Variants in MAGI1 observed in about 807,000 individuals in gnomAD.
The protein encoded by MAGI1 is membrane-associated guanylate kinase, WW and PDZ domain-containing protein 1.
MAGI1 carries 58 observed loss-of-function variants against 139.9 expected under a neutral mutation model. The observed-to-expected ratio is 0.41, with a 90% CI of 0.34 to 0.52. The LOEUF (loss-of-function observed/expected upper bound fraction) is 0.52. Among genes scored for constraint, MAGI1 ranks in the 20% least tolerant of loss-of-function variants. The pLI, the probability that MAGI1 is intolerant of heterozygous loss-of-function variation, is 0.12. For missense variants in MAGI1, 1,874 were observed against 1,901.6 expected (o/e 0.99, Z 0.27); for synonymous variants, 812 against 737.9 (o/e 1.10, Z -1.63).
intron 1 of MAGI1, among the ~76,000 whole-genome samples, chr3:65,915,245 T>C (rs2061845357): frequency 1.3e-5 from 2 of 152,214 alleles, no homozygotes; most frequent in African/African-American, 4.8e-5. Flanking sequence ...GCTAGGACTG[T>C]TCACATTTGA....
rs720160 is a variant in MAGI1 at position 66,005,508 on chromosome 3, T to A, written c.313+32488A>T. ...CAGCCTCATCCTCAGCTGTTCAAAA[T>A]CAATATTCACAGCCTCTTTGCCTCT... is the stretch of plus-strand genomic sequence containing the variant. On this transcript the variant is annotated intron_variant, in intron 1 of 22. Coordinates refer to ENST00000402939, the MANE Select transcript of MAGI1 (RefSeq NM_001033057.2). Among the ~76,000 whole-genome samples, 41 of 152,258 alleles carry A rather than the reference T, an allele frequency of 2.7e-4. No homozygotes were observed. The South Asian group carries it at 8.3e-3, about 31-fold the overall frequency.
At chr3:65,720,930 C>T (rs1010296793) in intron 1 of MAGI1, among the ~76,000 whole-genome samples, 5 of 151,688 alleles carry the variant, frequency 3.3e-5, no homozygotes, top group Non-Finnish European at 1.5e-5. Flanking sequence ...TTTGTAGAGA[C>T]GGGGTTTCAC....
chr3:65,625,738 C>T (rs1036068390), intron 1 of MAGI1, among the ~76,000 whole-genome samples: 1 of 152,038 alleles, frequency 6.6e-6, no homozygotes, highest in Admixed American at 6.6e-5. Flanking sequence ...TAAAAAAATC[C>T]ATGCAAACCA....
chr3:65,515,829 A>AT (rs2077845086), intron 2 of MAGI1, among the ~76,000 whole-genome samples: 1 of 152,136 alleles, frequency 6.6e-6, no homozygotes, highest in African/African-American at 2.4e-5. Context: ...AGGTATTGCT[A>AT]TTTTTTACAA....
At chr3:65,868,852 G>A (rs1208626610) in intron 1 of MAGI1, among the ~76,000 whole-genome samples, 1 of 151,880 alleles carries the variant, frequency 6.6e-6, no homozygotes, top group Admixed American at 6.6e-5. Flanking sequence ...TTGACTTCTC[G>A]ACAAAGTCCA....
At chr3:66,014,818 G>A (rs1482728833) in intron 1 of MAGI1, among the ~76,000 whole-genome samples, 1 of 152,102 alleles carries the variant, frequency 6.6e-6, no homozygotes, top group Non-Finnish European at 1.5e-5. Flanking sequence ...GACACTCTGG[G>A]TCCATGGTAC....
intron 1 of MAGI1, among the ~76,000 whole-genome samples, chr3:65,637,584 GAAAGAAA>G (rs2084710740): frequency 6.7e-6 from 1 of 149,698 alleles, no homozygotes; most frequent in Non-Finnish European, 1.5e-5. Context: ...AAGAAAGAAA[GAAAGAAA>G]GAAAGAAAGA....
intron 1 of MAGI1, among the ~76,000 whole-genome samples, chr3:65,658,817 G>C (rs2086030150): frequency 6.6e-6 from 1 of 152,164 alleles, no homozygotes; most frequent in East Asian, 1.9e-4. Context: ...AGTGAAATAA[G>C]TGCAAAGCAC....
chr3:65,660,456 G>A (rs1044504188), intron 1 of MAGI1, among the ~76,000 whole-genome samples: 1 of 152,234 alleles, frequency 6.6e-6, no homozygotes, highest in African/African-American at 2.4e-5. Context: ...AGGAAACTCA[G>A]ACAAGTTTAA....
chr3:65,982,804 T>C (rs1370018876), intron 1 of MAGI1, among the ~76,000 whole-genome samples: 5 of 152,196 alleles, frequency 3.3e-5, no homozygotes, highest in African/African-American at 9.6e-5. Context: ...TTGTGACTGA[T>C]GCATCCCAGG....
At chr3:65,715,036 TG>T (rs71633184) in intron 1 of MAGI1, among the ~76,000 whole-genome samples, 1 of 146,324 alleles carries the variant, frequency 6.8e-6, no homozygotes, top group Admixed American at 6.9e-5. Context: ...GTAGAGATGG[TG>T]GGGGGTGGGA....
chr3:65,843,087 T>C, intron 1 of MAGI1, among the ~76,000 whole-genome samples: 1 of 152,190 alleles, frequency 6.6e-6, no homozygotes. Context: ...TCTCCATAAA[T>C]GTAGTACTGG....
intron 1 of MAGI1, among the ~76,000 whole-genome samples, chr3:65,947,611 A>G (rs1284992072): frequency 1.3e-5 from 2 of 152,102 alleles, no homozygotes; most frequent in Non-Finnish European, 1.5e-5. Flanking sequence ...AATCAGCAAT[A>G]TCAGTTTTTT....
At chr3:65,372,397 A>G (rs1398037028) in intron 18 of MAGI1, among the ~76,000 whole-genome samples, 1 of 152,196 alleles carries the variant, frequency 6.6e-6, no homozygotes, top group Admixed American at 6.5e-5. Context: ...ACAGCACAAC[A>G]TATGTGCTGT....
At chr3:65,801,088 T>A (rs1047169784) in intron 1 of MAGI1, among the ~76,000 whole-genome samples, 3 of 152,172 alleles carry the variant, frequency 2.0e-5, no homozygotes, top group African/African-American at 7.2e-5. Flanking sequence ...TTGAGACACT[T>A]ATGAAAATGA....
chr3:65,547,716 T>C (rs541966828), intron 2 of MAGI1, among the ~76,000 whole-genome samples: 1 of 152,300 alleles, frequency 6.6e-6, no homozygotes, highest in Admixed American at 6.5e-5. Flanking sequence ...ATATTCTTGG[T>C]GGCTGAGTGT....
At chr3:65,378,897 G>T (rs1347070626) in intron 17 of MAGI1, among the ~76,000 whole-genome samples, 3 of 151,990 alleles carry the variant, frequency 2.0e-5, no homozygotes, top group Non-Finnish European at 2.9e-5. Context: ...GGCCAGGTTG[G>T]TCTCAAACTC....
intron 2 of MAGI1, among the ~76,000 whole-genome samples, chr3:65,606,163 T>C (rs1471281787): frequency 2.0e-5 from 3 of 152,062 alleles, no homozygotes; most frequent in Non-Finnish European, 2.9e-5. Flanking sequence ...ATTTTATAAA[T>C]TGCAAAACCT....
In MAGI1 at chr3:65,802,416, C is replaced by T. The variant is rs187115432; in HGVS notation, c.314-180328G>A. ...GGGTTGTAATTTTTCACCATGTGAA[C>T]GCATTCATGAGTTACTCGTGTAATT... On this transcript the variant is annotated intron_variant, in intron 1 of 22. Coordinates refer to ENST00000402939, the MANE Select transcript of MAGI1 (RefSeq NM_001033057.2). 1.8e-4 allele frequency among the ~76,000 whole-genome samples: 28 copies of T among 152,150 alleles called. No homozygotes were observed. The East Asian group carries it at 3.7e-3, about 20-fold the overall frequency.
Sources: gnomAD v4.1 joint callset for allele counts (sites outside exome capture counted in the v4.1 genomes callset) on GRCh38, gnomAD v4.1.1 for gene constraint, MANE v1.5 for transcripts, NCBI Gene and HGNC (gene_info 2026-07-23, HGNC 2026-07-21) for gene names.